Variants in HIP1 observed in about 807,000 individuals in gnomAD.
HIP1 encodes huntingtin interacting protein 1.
A neutral mutation model predicts 147.6 loss-of-function variants in HIP1; 65 were observed. The observed-to-expected ratio is 0.44, with a 90% CI of 0.36 to 0.54. HIP1 has a LOEUF of 0.54. HIP1 is among the 20% of genes least tolerant of loss of function. HIP1 has a pLI of 0.00. For synonymous variants in HIP1, 479 were observed against 504.0 expected (o/e 0.95, Z 0.67); for missense variants, 1,061 against 1,299.6 (o/e 0.82, Z 2.82).
In HIP1 at chr7:75,533,525, C is replaced by T; in HGVS notation, c.*4647G>A. On this transcript the variant is annotated 3_prime_UTR_variant, in exon 31 of 31. Transcript: ENST00000336926. ...AAACAGAAGAAAAACAAACCCAACC[C>T]TATCCCTGCAAACTGAAATGTGAAA... 1 of 232,236 alleles carries T rather than the reference C, an allele frequency of 4.3e-6. No individual in the cohort carries two copies. Among genetic ancestry groups the T allele is most frequent in the Non-Finnish European group, 8.5e-6 (1 of 117,414 alleles). 14.4% of individuals were successfully genotyped at this position (232,236 alleles called of 1,614,324 possible).
At chr7:75,686,705 AG>A (rs1215392595) in intron 1 of HIP1, among the ~76,000 whole-genome samples, 1 of 151,808 alleles carries the variant, frequency 6.6e-6, no homozygotes, top group Non-Finnish European at 1.5e-5. Flanking sequence ...TCTTTTGTCC[AG>A]GCTGGAGTGC....
At chr7:75,629,297 C>T (rs1381294765) in intron 1 of HIP1, among the ~76,000 whole-genome samples, 1 of 152,152 alleles carries the variant, frequency 6.6e-6, no homozygotes, top group Non-Finnish European at 1.5e-5. Flanking sequence ...GCCCCGCTTA[C>T]TGGCTCTACT....
At chr7:75,576,444 A>G (rs1283942634) in intron 7 of HIP1, among the ~76,000 whole-genome samples, 1 of 152,204 alleles carries the variant, frequency 6.6e-6, no homozygotes, top group Non-Finnish European at 1.5e-5. Context: ...CCGTTAGGCC[A>G]GGTGCTGTGG....
At position 75,592,049 on chromosome 7, in the gene HIP1, A is replaced by C; in HGVS notation, c.384+7T>G. On this transcript the variant is annotated splice_region_variant and intron_variant, in intron 4 of 30. Transcript: ENST00000336926. ...CAGGTGGCTCCTGAGTACATCTCCA[A>C]ACTCACCCACATCCTGCTCATGTCA... 3.1e-6 allele frequency: 5 copies of C among 1,613,226 alleles called. No individual in the cohort carries two copies. The highest frequency in any genetic ancestry group is 4.2e-6 in the Non-Finnish European group (5 of 1,179,132).
intron 1 of HIP1, among the ~76,000 whole-genome samples, chr7:75,734,202 C>T (rs563571683): frequency 2.0e-5 from 3 of 151,668 alleles, no homozygotes; most frequent in East Asian, 1.9e-4. Context: ...ACCGAGATGG[C>T]GCCACTGCAC....
At chr7:75,585,917 G>A (rs1189515778) in intron 5 of HIP1, among the ~76,000 whole-genome samples, 1 of 151,662 alleles carries the variant, frequency 6.6e-6, no homozygotes, top group African/African-American at 2.4e-5. Flanking sequence ...CAGGCTCAAG[G>A]TATCCTCCCA....
chr7:75,584,272 T>A (rs113848589), intron 5 of HIP1, among the ~76,000 whole-genome samples: 2,267 of 151,440 alleles, frequency 0.015, 50 homozygotes, highest in African/African-American at 0.051. Flanking sequence ...CCAAAAAAAA[T>A]TTTTTTTAAG....
chr7:75,656,565 C>A (rs937398216), intron 1 of HIP1, among the ~76,000 whole-genome samples: 1 of 152,044 alleles, frequency 6.6e-6, no homozygotes, highest in African/African-American at 2.4e-5. Context: ...GCAACCTCTG[C>A]CTCCTGGGTT....
intron 1 of HIP1, among the ~76,000 whole-genome samples, chr7:75,650,066 C>A (rs1798922661): frequency 1.3e-5 from 2 of 152,116 alleles, no homozygotes; most frequent in Admixed American, 6.6e-5. Flanking sequence ...GCAAGATAGA[C>A]CCCCTAAGAA....
chr7:75,709,324 G>C (rs539003436), intron 1 of HIP1, among the ~76,000 whole-genome samples: 1 of 151,920 alleles, frequency 6.6e-6, no homozygotes, highest in South Asian at 2.1e-4. Context: ...TGTCGGTCAG[G>C]CTGGTCTCAA....
At chr7:75,613,144 G>A (rs1482535209) in intron 1 of HIP1, among the ~76,000 whole-genome samples, 1 of 151,968 alleles carries the variant, frequency 6.6e-6, no homozygotes, top group Non-Finnish European at 1.5e-5. Flanking sequence ...TAGAAAGAAA[G>A]AAAAGAAAAT....
At chr7:75,724,381 G>A (rs1554522118) in intron 1 of HIP1, among the ~76,000 whole-genome samples, 1 of 152,020 alleles carries the variant, frequency 6.6e-6, no homozygotes, top group African/African-American at 2.4e-5. Context: ...CTGAGTAGCT[G>A]CAATTACAGG....
At chr7:75,621,898 G>A (rs1480400880) in intron 1 of HIP1, among the ~76,000 whole-genome samples, 1 of 152,160 alleles carries the variant, frequency 6.6e-6, no homozygotes, top group Non-Finnish European at 1.5e-5. Context: ...GGGAGAGTTG[G>A]TTTGGGGCTA....
chr7:75,563,187 C>T lies in HIP1; in HGVS notation c.879+1G>A. On this transcript the variant is annotated splice_donor_variant, in intron 10 of 30. Coordinates refer to ENST00000336926, the MANE Select transcript of HIP1 (RefSeq NM_005338.7). LOFTEE classifies it high-confidence loss of function. ...GAGGGTGTGTGGTTGGGCATGCTTACCTCAGGCAGCTGGGGGATCTGAATG... is the reference window on the plus strand; with the variant it reads ...GAGGGTGTGTGGTTGGGCATGCTTATCTCAGGCAGCTGGGGGATCTGAATG... The T allele has an allele frequency of 6.2e-7, 1 of 1,614,190 alleles. No homozygotes were observed. The highest frequency in any genetic ancestry group is 8.5e-7 in the Non-Finnish European group (1 of 1,180,022).
intron 1 of HIP1, among the ~76,000 whole-genome samples, chr7:75,648,497 G>A (rs969717620): frequency 1.2e-4 from 18 of 152,064 alleles, no homozygotes; most frequent in Non-Finnish European, 2.1e-4. Flanking sequence ...CTGTTGCCCC[G>A]ATATTAAACA....
chr7:75,592,376 G>C lies in HIP1; in HGVS notation c.323C>G (p.Pro108Arg). Residue 108 changes from proline (P) to arginine (R), a missense_variant, in exon 3 of 31, where the codon CCG (proline) becomes CGG (arginine). Pro to Arg is a moderately radical substitution (Grantham distance 103). Coordinates refer to ENST00000336926, the MANE Select transcript of HIP1 (RefSeq NM_005338.7). ...VFHKLLRDGH[P>R]NVLKDSLRYR... ...CCCATAGCCCCAGGAACTCACGTTC[G>C]GGTGTCCATCTCGGAGGAGTTTGTG... 1 of 1,604,990 alleles carries C rather than the reference G, an allele frequency of 6.2e-7. No homozygotes were observed. Among genetic ancestry groups the C allele is most frequent in the Non-Finnish European group, 8.5e-7 (1 of 1,176,922 alleles).
chr7:75,611,287 C>A (rs1356837374), intron 1 of HIP1, among the ~76,000 whole-genome samples: 1 of 151,666 alleles, frequency 6.6e-6, no homozygotes, highest in African/African-American at 2.4e-5. Flanking sequence ...GCCAAAATGG[C>A]AAAACCTTGT....
chr7:75,552,675 A>G (rs1335847938), intron 22 of HIP1, among the ~76,000 whole-genome samples: 1 of 152,036 alleles, frequency 6.6e-6, no homozygotes, highest in Non-Finnish European at 1.5e-5. Flanking sequence ...TTAGTAAATG[A>G]ATGAACACAG....
chr7:75,712,764 ACT>A lies in HIP1; in HGVS notation c.120+26035_120+26036del, dbSNP rs1281928233. ...CAATCCCTCATTCACTCTTTCATTC[ACT>A]CTCTCATTTACTCATTCATTCACTC... On this transcript the variant is annotated intron_variant, in intron 1 of 30. Transcript: ENST00000336926. Among the ~76,000 whole-genome samples the A allele has an allele frequency of 5.9e-5, 9 of 151,316 alleles. No homozygotes were observed. The East Asian group carries it at 1.4e-3, about 23-fold the overall frequency.
Sources: allele counts gnomAD v4.1 joint callset (sites outside exome capture counted in the v4.1 genomes callset), GRCh38; gene constraint gnomAD v4.1.1; transcripts MANE v1.5; gene names NCBI Gene and HGNC (gene_info 2026-07-23, HGNC 2026-07-21).